Variants in PRKD1 observed in about 807,000 individuals in gnomAD.
PRKD1 encodes the protein serine/threonine-protein kinase D1.
A neutral mutation model predicts 95.9 loss-of-function variants in PRKD1; 63 were observed. The ratio of observed to expected loss-of-function variants is 0.66; its 90% confidence interval spans 0.54 to 0.81. The LOEUF is 0.81. PRKD1 is among the 30% of genes least tolerant of loss of function. The pLI, the probability that PRKD1 is intolerant of heterozygous loss-of-function variation, is 0.00. For missense variants in PRKD1, 1,048 were observed against 1,165.3 expected (o/e 0.90, Z 1.47); for synonymous variants, 425 against 423.1 (o/e 1.00, Z -0.05).
At chr14:29,807,205 CG>C (rs1335270116) in intron 1 of PRKD1, among the ~76,000 whole-genome samples, 1 of 152,040 alleles carries the variant, frequency 6.6e-6, no homozygotes, top group Non-Finnish European at 1.5e-5. Context: ...AGAGCTCAGA[CG>C]GTAATGCTCA....
chr14:29,597,615 C>G lies in PRKD1; in HGVS notation c.2310G>C (p.Gly770=). The G allele has an allele frequency of 1.2e-6, 2 of 1,613,924 alleles. No individual in the cohort carries two copies. The highest frequency in any genetic ancestry group is 2.2e-5 in the South Asian group (2 of 91,070). ...CGCTTAGGCTTACATAGATGATGAC[C>G]CCAACAGACCACATGTCTAGAGAGC... The part of the protein sequence containing the change: ...YNRSLDMWSV[G]VIIYVSLSGT... The change falls in exon 16 of 18, where the codon GGG becomes GGC. Residue 770 remains glycine, a synonymous_variant. Transcript: ENST00000331968.
intron 1 of PRKD1, among the ~76,000 whole-genome samples, chr14:29,754,427 G>A (rs1269862048): frequency 6.6e-6 from 1 of 152,036 alleles, no homozygotes; most frequent in Non-Finnish European, 1.5e-5. Flanking sequence ...TACCAAGGTG[G>A]TCTCCTAAAT....
intron 4 of PRKD1, among the ~76,000 whole-genome samples, chr14:29,654,631 A>T (rs1207857730): frequency 6.6e-6 from 1 of 152,204 alleles, no homozygotes; most frequent in Admixed American, 6.5e-5. Context: ...CAGGAAGCTT[A>T]TACAAAGACA....
intron 1 of PRKD1, among the ~76,000 whole-genome samples, chr14:29,738,163 G>A (rs1886814898): frequency 6.6e-6 from 1 of 152,072 alleles, no homozygotes; most frequent in South Asian, 2.1e-4. Context: ...TTGGGTACAG[G>A]CTTTTATTTA....
At chr14:29,898,146 G>A (rs1894197209) in intron 1 of PRKD1, among the ~76,000 whole-genome samples, 1 of 152,006 alleles carries the variant, frequency 6.6e-6, no homozygotes, top group East Asian at 1.9e-4. Flanking sequence ...CGAAGTCAGT[G>A]GTATATCCCT....
At chr14:29,849,562 C>G (rs1346069783) in intron 1 of PRKD1, among the ~76,000 whole-genome samples, 1 of 138,984 alleles carries the variant, frequency 7.2e-6, no homozygotes, top group Non-Finnish European at 1.5e-5. Flanking sequence ...AGTAAAACAA[C>G]AACAACAACA....
At chr14:29,743,340 T>G (rs1033259134) in intron 1 of PRKD1, among the ~76,000 whole-genome samples, 1 of 152,148 alleles carries the variant, frequency 6.6e-6, no homozygotes, top group African/African-American at 2.4e-5. Context: ...CACATGCCTT[T>G]TCACTGGAAG....
chr14:29,656,147 C>T (rs1166516912), intron 4 of PRKD1, among the ~76,000 whole-genome samples: 2 of 152,032 alleles, frequency 1.3e-5, no homozygotes, highest in African/African-American at 4.8e-5. Flanking sequence ...AATATGTCTG[C>T]TCAGTTTCAT....
chr14:29,834,832 A>T (rs1891549593), intron 1 of PRKD1, among the ~76,000 whole-genome samples: 1 of 152,192 alleles, frequency 6.6e-6, no homozygotes, highest in Non-Finnish European at 1.5e-5. Context: ...AAACTGACTC[A>T]TCCATGTTAA....
intron 13 of PRKD1, among the ~76,000 whole-genome samples, chr14:29,615,561 C>A (rs970909792): frequency 6.6e-6 from 1 of 152,198 alleles, no homozygotes; most frequent in African/African-American, 2.4e-5. Context: ...TTTGCCAATG[C>A]CGGGCTTCTC....
intron 1 of PRKD1, among the ~76,000 whole-genome samples, chr14:29,825,452 A>G (rs2139278500): frequency 6.6e-6 from 1 of 152,202 alleles, no homozygotes; most frequent in East Asian, 1.9e-4. Context: ...GGAAGAAGTC[A>G]CTACCATGAA....
At chr14:29,831,011 T>C (rs1361953689) in intron 1 of PRKD1, among the ~76,000 whole-genome samples, 2 of 152,162 alleles carry the variant, frequency 1.3e-5, no homozygotes, top group Admixed American at 6.5e-5. Context: ...AATAAGTCTA[T>C]AAAGAAGAAA....
At chr14:29,709,012 A>G (rs1885217186) in intron 2 of PRKD1, among the ~76,000 whole-genome samples, 1 of 152,164 alleles carries the variant, frequency 6.6e-6, no homozygotes. Context: ...AGTTTCTTCA[A>G]TATGTACTGC....
intron 10 of PRKD1, among the ~76,000 whole-genome samples, chr14:29,629,973 T>G (rs571962418): frequency 5.7e-5 from 7 of 122,486 alleles, no homozygotes; most frequent in Admixed American, 1.7e-4. Context: ...CTTCTTCCTT[T>G]TCCTCTTCCT....
intron 2 of PRKD1, among the ~76,000 whole-genome samples, chr14:29,701,576 C>T (rs570182411): frequency 4.0e-5 from 6 of 151,786 alleles, no homozygotes; most frequent in African/African-American, 1.4e-4. Flanking sequence ...TTCTGAATTC[C>T]TTACTTTTAC....
chr14:29,675,537 T>A (rs1209178579), intron 2 of PRKD1, among the ~76,000 whole-genome samples: 5 of 152,198 alleles, frequency 3.3e-5, no homozygotes, highest in Admixed American at 2.0e-4. Flanking sequence ...GGTGAGACTG[T>A]AAACTAGTTC....
chr14:29,634,530 C>T lies in PRKD1; in HGVS notation c.1202G>A (p.Ser401Asn), dbSNP rs1262677657. The T allele has an allele frequency of 6.2e-7, 1 of 1,613,898 alleles. No homozygotes were observed. The highest frequency in any genetic ancestry group is 1.1e-5 in the South Asian group (1 of 91,068). ...DANRTISPST[S>N]NNIPLMRVVQ... ...TACCCTCATGAGTGGGATATTGTTG[C>T]TTGTTGATGGACTTGAGAAGTCAAA... Residue 401 changes from serine (S) to asparagine (N), a missense_variant, in exon 8 of 18, where the codon AGC (serine) becomes AAC (asparagine). By Grantham distance (46) the Ser-to-Asn change is conservative. This residue lies in a region of PRKD1 where 739 missense variants were observed against 861.9 expected (regional missense o/e 0.86). Transcript: ENST00000331968.
chr14:29,818,783 A>C (rs532607321), intron 1 of PRKD1, among the ~76,000 whole-genome samples: 34 of 152,148 alleles, frequency 2.2e-4, no homozygotes, highest in Non-Finnish European at 4.9e-4. Context: ...TCTTAGATGT[A>C]AACTTTTTTT....
At chr14:29,868,247 C>T (rs1019887641) in intron 1 of PRKD1, among the ~76,000 whole-genome samples, 11 of 152,086 alleles carry the variant, frequency 7.2e-5, no homozygotes, top group Admixed American at 2.0e-4. Context: ...TTGTTAAGAG[C>T]TGGGAAGTGA....
Sources: gnomAD v4.1 joint callset for allele counts (sites outside exome capture counted in the v4.1 genomes callset) on GRCh38, gnomAD v4.1.1 for gene constraint, gnomAD v4.1.1 regional missense constraint, MANE v1.5 for transcripts, NCBI Gene and HGNC (gene_info 2026-07-23, HGNC 2026-07-21) for gene names.